TIAM1: variants seen among roughly 807,000 people sequenced by gnomAD.
TIAM1 encodes the protein rho guanine nucleotide exchange factor TIAM1.
In TIAM1, 65 loss-of-function variants were observed where a neutral mutation model predicts 163.5. That is an observed-to-expected ratio of 0.40 (90% CI 0.33 to 0.49). The LOEUF (loss-of-function observed/expected upper bound fraction) is 0.49, where lower values mean the gene tolerates loss of function less well. TIAM1 is among the 20% of genes least tolerant of loss of function. The probability of loss-of-function intolerance (pLI) is 0.77; values close to 1 mark genes in which losing one functional copy is unlikely to be tolerated. For synonymous variants in TIAM1, 833 were observed against 810.1 expected, an observed-to-expected ratio of 1.03 and a Z score of -0.48; for missense variants, 1,789 against 2,044.7, an observed-to-expected ratio of 0.87 and a Z score of 2.41.
chr21:31,449,521 G>A (rs2044748154), intron 2 of TIAM1, among the ~76,000 whole-genome samples: 1 of 151,884 alleles, frequency 6.6e-6, no homozygotes, highest in South Asian at 2.1e-4. Context: ...TGGGATTACA[G>A]TCATGCGCCA....
chr21:31,454,180 C>G (rs946241989), intron 2 of TIAM1, among the ~76,000 whole-genome samples: 1 of 152,188 alleles, frequency 6.6e-6, no homozygotes, highest in African/African-American at 2.4e-5. Flanking sequence ...AATGCAAGCT[C>G]CACAAAGACC....
Position 31,225,966 on chromosome 21 carries a change from G to C in TIAM1, c.1585-16C>G, listed in dbSNP as rs764552527. The C allele has an allele frequency of 2.4e-5, 39 of 1,608,514 alleles. No homozygotes were observed. The highest frequency in any genetic ancestry group is 3.3e-5 in the Non-Finnish European group (39 of 1,176,604). ...GGCTAGTGGTCTGTACCAGGAAGAA[G>C]GGGCAGGAAGAAAAAGGCACCTCTT... is the stretch of plus-strand genomic sequence containing the variant. On this transcript the variant is annotated splice_polypyrimidine_tract_variant and intron_variant, in intron 6 of 27. Coordinates refer to ENST00000541036, the MANE Select transcript of TIAM1 (RefSeq NM_001353694.2).
rs183179038 is a variant in TIAM1, at chr21:31,256,277, C to G, written c.964-4088G>C. Among the ~76,000 whole-genome samples, 11 of 152,212 alleles carry G rather than the reference C, an allele frequency of 7.2e-5. No individual in the cohort carries two copies. The East Asian group carries it at 2.1e-3, about 29-fold the overall frequency. ...ACACAATTTTGAAAATGCAATTAGC[C>G]AGAAAGTGCAAAGGCTCTGGGACAA... On this transcript the variant is annotated intron_variant, in intron 4 of 27. Coordinates refer to ENST00000541036, the MANE Select transcript of TIAM1 (RefSeq NM_001353694.2).
At chr21:31,549,646 T>G (rs2062174137) in intron 1 of TIAM1, among the ~76,000 whole-genome samples, 2 of 152,106 alleles carry the variant, frequency 1.3e-5, no homozygotes, top group African/African-American at 4.8e-5. Flanking sequence ...ATGGCTATAA[T>G]CAAAAAGACA....
chr21:31,176,551 C>A (rs902004243), intron 15 of TIAM1, among the ~76,000 whole-genome samples: 1 of 152,162 alleles, frequency 6.6e-6, no homozygotes, highest in Non-Finnish European at 1.5e-5. Flanking sequence ...TTATGCAGAT[C>A]CTGGCTTTCT....
intron 20 of TIAM1, among the ~76,000 whole-genome samples, chr21:31,145,590 C>G (rs530886214): frequency 6.6e-6 from 1 of 152,226 alleles, no homozygotes; most frequent in South Asian, 2.1e-4. Context: ...AATGTTCCAC[C>G]GTCTTCTCAG....
intron 2 of TIAM1, among the ~76,000 whole-genome samples, chr21:31,284,129 G>A (rs2073692424): frequency 6.6e-6 from 1 of 152,204 alleles, no homozygotes; most frequent in Non-Finnish European, 1.5e-5. Flanking sequence ...GGTGTTCCCT[G>A]TGAGAGAACT....
chr21:31,296,298 A>G (rs1189193545), intron 2 of TIAM1, among the ~76,000 whole-genome samples: 1 of 152,200 alleles, frequency 6.6e-6, no homozygotes, highest in Non-Finnish European at 1.5e-5. Flanking sequence ...ATTCCAAAAA[A>G]AAATATGCAC....
At chr21:31,340,316 T>C (rs1325640390) in intron 1 of TIAM1, among the ~76,000 whole-genome samples, 3 of 151,958 alleles carry the variant, frequency 2.0e-5, no homozygotes, top group Non-Finnish European at 4.4e-5. Flanking sequence ...AACGCTACAT[T>C]CCCTTGTCGG....
At chr21:31,363,451 T>A (rs538579986) in intron 2 of TIAM1, among the ~76,000 whole-genome samples, 2 of 152,236 alleles carry the variant, frequency 1.3e-5, no homozygotes, top group East Asian at 3.9e-4. Flanking sequence ...TTACTGCTGA[T>A]GTTGTTTTGC....
intron 25 of TIAM1, 143 bp from the exon 26 acceptor site, chr21:31,127,295 C>T: frequency 4.2e-6 from 3 of 716,080 alleles, no homozygotes; most frequent in Non-Finnish European, 4.5e-6. Flanking sequence ...TACTATTTCA[C>T]AATCTAAAGA....
chr21:31,282,812 C>T (rs985295200), intron 2 of TIAM1, among the ~76,000 whole-genome samples: 1 of 152,160 alleles, frequency 6.6e-6, no homozygotes, highest in Non-Finnish European at 1.5e-5. Context: ...TAAAAAGACA[C>T]CCAAATCAGA....
intron 16 of TIAM1, among the ~76,000 whole-genome samples, chr21:31,159,039 A>T (rs2083767670): frequency 6.6e-6 from 1 of 152,158 alleles, no homozygotes; most frequent in African/African-American, 2.4e-5. Context: ...CAAGCAGCTT[A>T]GGACTCCAGC....
chr21:31,205,744 T>A (rs928783648), intron 11 of TIAM1, among the ~76,000 whole-genome samples: 21 of 152,194 alleles, frequency 1.4e-4, no homozygotes, highest in Admixed American at 1.2e-3. Flanking sequence ...GGTGGGCTAG[T>A]TGCTTAAGCC....
chr21:31,473,429 CAAAAAAAAAAAAA>C (rs56691495), intron 1 of TIAM1, among the ~76,000 whole-genome samples: 77 of 75,696 alleles, frequency 1.0e-3, no homozygotes, highest in Non-Finnish European at 1.5e-3. Context: ...GACTCCATCT[CAAAAAAAAAAAAA>C]AAAAAAAAAA....
intron 11 of TIAM1, among the ~76,000 whole-genome samples, chr21:31,209,716 T>TA (rs1403678735): frequency 6.6e-6 from 1 of 152,216 alleles, no homozygotes; most frequent in African/African-American, 2.4e-5. Flanking sequence ...ATTTCGTGAA[T>TA]AAGAGTGGCC....
chr21:31,141,107 G>C lies in TIAM1; in HGVS notation c.3774+11C>G. The C allele has an allele frequency of 1.2e-6, 2 of 1,602,810 alleles. No homozygotes were observed. The highest frequency in any genetic ancestry group is 1.7e-6 in the Non-Finnish European group (2 of 1,172,768). On this transcript the variant is annotated intron_variant, in intron 22 of 27. Transcript: ENST00000541036. The surrounding 1 kb of genome is among the most constrained non-coding windows in gnomAD (Gnocchi z 4.7). ...TCCTGACAGATGTCCTGAGAAGATGGGGACCCTCACCTCTTTTTTCTCACC... is the reference window on the plus strand; with the variant it reads ...TCCTGACAGATGTCCTGAGAAGATGCGGACCCTCACCTCTTTTTTCTCACC...
chr21:31,491,259 C>T (rs2046460291), intron 1 of TIAM1, among the ~76,000 whole-genome samples: 1 of 152,216 alleles, frequency 6.6e-6, no homozygotes, highest in Non-Finnish European at 1.5e-5. Flanking sequence ...GCCATCACTG[C>T]ATTAATGAAC....
intron 2 of TIAM1, among the ~76,000 whole-genome samples, chr21:31,461,546 C>T (rs531561350): frequency 9.2e-5 from 14 of 152,046 alleles, no homozygotes; most frequent in Admixed American, 3.9e-4. Context: ...ATTCAATTAT[C>T]GATGAAGTAA....
Sources: gnomAD v4.1 joint callset for allele counts (sites outside exome capture counted in the v4.1 genomes callset) on GRCh38, gnomAD v4.1.1 for gene constraint, Gnocchi (gnomAD v3.1) non-coding constraint, MANE v1.5 for transcripts, NCBI Gene and HGNC (gene_info 2026-07-23, HGNC 2026-07-21) for gene names.